The following TANC1 variants were observed in gnomAD, a reference collection of about 807,000 sequenced individuals.
The protein encoded by TANC1 is protein TANC1.
In TANC1, 77 loss-of-function variants were observed where a neutral mutation model predicts 149.7. The ratio of observed to expected loss-of-function variants is 0.51; its 90% CI spans 0.43 to 0.62. The LOEUF is 0.62. Among genes scored for constraint, TANC1 ranks in the 20% least tolerant of loss-of-function variants. The pLI, the probability that TANC1 is intolerant of heterozygous loss-of-function variation, is 0.00. For missense variants in TANC1, 1,985 were observed against 2,321.8 expected, an observed-to-expected ratio of 0.85 and a Z score of 2.98; for synonymous variants, 854 against 925.0, an observed-to-expected ratio of 0.92 and a Z score of 1.39.
chr2:159,194,232 C>G (rs755224726), intron 16 of TANC1, 25 bp from the exon 17 acceptor site: 3 of 1,588,372 alleles, frequency 1.9e-6, no homozygotes, highest in African/African-American at 2.7e-5. Flanking sequence ...ATGTGACAAT[C>G]TTGTTGGGGG....
rs151240503 is a variant in TANC1, at chr2:159,162,363, G to T, written c.683-920G>T. 3.3e-5 allele frequency among the ~76,000 whole-genome samples: 5 copies of T among 152,254 alleles called. No homozygotes were observed. The East Asian group carries it at 9.7e-4, about 29-fold the overall frequency. On this transcript the variant is annotated intron_variant, in intron 7 of 26. Transcript: ENST00000263635. ...CCAGATAGGGAAAGAGGCATCGGTGGACATGGCCCCTGTTCTCAAGGACGC... is the reference window on the plus strand; with the variant it reads ...CCAGATAGGGAAAGAGGCATCGGTGTACATGGCCCCTGTTCTCAAGGACGC...
chr2:159,118,482 A>G (rs1051952348), intron 4 of TANC1, among the ~76,000 whole-genome samples: 4 of 152,144 alleles, frequency 2.6e-5, no homozygotes, highest in African/African-American at 9.7e-5. Flanking sequence ...GTGATTCAGG[A>G]GTATGCAAGC....
At chr2:159,073,543 A>G (rs2149739705) in intron 3 of TANC1, among the ~76,000 whole-genome samples, 1 of 152,354 alleles carries the variant, frequency 6.6e-6, no homozygotes, top group East Asian at 1.9e-4. Context: ...TTGTATGTGT[A>G]TGTATAAATG....
intron 4 of TANC1, among the ~76,000 whole-genome samples, chr2:159,129,429 A>G (rs2049841384): frequency 6.6e-6 from 1 of 152,208 alleles, no homozygotes; most frequent in Non-Finnish European, 1.5e-5. Context: ...TAAAGGCAGA[A>G]TTCTGAATGG....
In TANC1 at chr2:159,224,232, G is replaced by A. The variant is rs753021908; in HGVS notation, c.3679G>A (p.Val1227Met). 5 of 1,614,122 alleles carry A rather than the reference G, an allele frequency of 3.1e-6. No individual in the cohort carries two copies. Among genetic ancestry groups the A allele is most frequent in the Non-Finnish European group, 4.2e-6 (5 of 1,180,036 alleles). ...GCTTAGGCTTCTGCTGTCTCTGCAG[G>A]TGCTGTACCTGGTGGAGAAGGGAGC... ...LAAFYGDAETVLYLVEKGAVI... is the reference protein window; with the variant it reads ...LAAFYGDAETMLYLVEKGAVI... Residue 1227 changes from valine (V) to methionine (M), a missense_variant and splice_region_variant, in exon 23 of 27, where the codon GTG becomes ATG. Physicochemically the swap from Val to Met is conservative, Grantham distance 21. Transcript: ENST00000263635.
intron 4 of TANC1, among the ~76,000 whole-genome samples, chr2:159,112,772 G>A (rs1329135904): frequency 6.6e-6 from 1 of 151,948 alleles, no homozygotes; most frequent in Non-Finnish European, 1.5e-5. Flanking sequence ...TATAGAGATA[G>A]GGTTCTGCTG....
In TANC1 at chr2:159,125,585, C is replaced by CCCTCCCTCCCTTCCTTCCTT. The variant is rs1231521085; in HGVS notation, c.260-10606_260-10605insCCCTCCCTTCCTTCCTTCCT. ...CCCATTCCTTCCTTCCTCCCTCCCT[C>CCCTCCCTCCCTTCCTTCCTT]CCTTCCTTCCTTCCTTCCTTTTTTG... On this transcript the variant is annotated intron_variant, in intron 4 of 26. Transcript: ENST00000263635. Among the ~76,000 whole-genome samples, 4 of 137,766 alleles carry CCCTCCCTCCCTTCCTTCCTT rather than the reference C, an allele frequency of 2.9e-5. No homozygotes were observed. In the East Asian group the frequency reaches 6.6e-4, roughly 23 times the overall value. The allele number at this position is 137,766 out of a possible 152,430, so 90.4% of individuals were successfully genotyped here.
intron 19 of TANC1, among the ~76,000 whole-genome samples, chr2:159,200,778 T>C (rs1428678103): frequency 6.6e-6 from 1 of 152,218 alleles, no homozygotes; most frequent in African/African-American, 2.4e-5. Flanking sequence ...GGCTGTGTTC[T>C]CGTCAGAGAC....
chr2:159,071,197 A>G (rs946432408), intron 3 of TANC1, among the ~76,000 whole-genome samples: 2 of 152,246 alleles, frequency 1.3e-5, no homozygotes, highest in African/African-American at 2.4e-5. Flanking sequence ...AAGCTGAGGC[A>G]GAACAGCAAA....
intron 2 of TANC1, among the ~76,000 whole-genome samples, chr2:159,062,991 A>AAAAAAAAAAAAAAAG (rs1553534848): frequency 6.1e-5 from 9 of 147,090 alleles, no homozygotes; most frequent in Non-Finnish European, 1.2e-4. Flanking sequence ...AAAAAAAAAA[A>AAAAAAAAAAAAAAAG]AAAAGAAAGC....
intron 19 of TANC1, among the ~76,000 whole-genome samples, chr2:159,205,824 G>A (rs1269154787): frequency 6.6e-6 from 1 of 152,232 alleles, no homozygotes; most frequent in African/African-American, 2.4e-5. Context: ...TCAGGTGAGA[G>A]ATTGGAAGGA....
chr2:159,199,295 G>A (rs911419561), intron 19 of TANC1, among the ~76,000 whole-genome samples: 6 of 152,166 alleles, frequency 3.9e-5, no homozygotes, highest in African/African-American at 9.7e-5. Flanking sequence ...TAGCAGTTAC[G>A]GTACATCTGA....
intron 3 of TANC1, 79 bp from the exon 4 acceptor site, chr2:159,097,558 A>G: frequency 1.9e-6 from 2 of 1,066,554 alleles, no homozygotes; most frequent in South Asian, 2.7e-5. Context: ...TATTCTGAGA[A>G]TATAGTTTAT....
chr2:159,126,027 C>G (rs983970465), intron 4 of TANC1, among the ~76,000 whole-genome samples: 9 of 152,200 alleles, frequency 5.9e-5, no homozygotes, highest in Non-Finnish European at 8.8e-5. Context: ...GTGTCTGACC[C>G]TTCCTCCTGC....
At chr2:159,211,778 T>C (rs1367408597) in intron 19 of TANC1, among the ~76,000 whole-genome samples, 1 of 152,260 alleles carries the variant, frequency 6.6e-6, no homozygotes, top group Admixed American at 6.5e-5. Flanking sequence ...GCATCATTTG[T>C]AAACGAGAGC....
At position 159,231,525 on chromosome 2, in the gene TANC1, C is replaced by T. The variant is rs535079325; in HGVS notation, c.*513C>T. 7.1e-5 allele frequency: 11 copies of T among 154,132 alleles called. No individual in the cohort carries two copies. The highest frequency in any genetic ancestry group is 1.2e-4 in the Non-Finnish European group (8 of 69,284). 9.5% of individuals were successfully genotyped at this position (154,132 alleles called of 1,614,324 possible). On this transcript the variant is annotated 3_prime_UTR_variant, in exon 27 of 27. Coordinates refer to ENST00000263635, the MANE Select transcript of TANC1 (RefSeq NM_033394.3). ...AGTGAGTTCTAGCTAAATATAAGTG[C>T]GACTGTAAACGCAGCCAATTTTTTT... is the stretch of plus-strand genomic sequence containing the variant.
rs1027301000 is a variant in TANC1 at position 159,004,210 on chromosome 2, G to T, written c.-16+3021G>T. The stretch of plus-strand genomic sequence containing the variant: ...AGGAAGTTAGCTGAACAGTTCCCAC[G>T]GCAAGTCTTGGACAGTAAAGCACCA... On this transcript the variant is annotated intron_variant, in intron 2 of 26. Transcript: ENST00000263635. 4 of 1,612,398 alleles carry T rather than the reference G, an allele frequency of 2.5e-6. No individual in the cohort carries two copies. In the African/African-American group the frequency reaches 4.0e-5, roughly 16 times the overall value.
chr2:159,084,399 T>C (rs1444068038), intron 3 of TANC1, among the ~76,000 whole-genome samples: 1 of 152,206 alleles, frequency 6.6e-6, no homozygotes, highest in Non-Finnish European at 1.5e-5. Context: ...GTTGGTAGTA[T>C]TTTTGAACAT....
At chr2:159,205,652 C>T (rs1477339160) in intron 19 of TANC1, among the ~76,000 whole-genome samples, 2 of 152,230 alleles carry the variant, frequency 1.3e-5, no homozygotes, top group African/African-American at 4.8e-5. Context: ...TAGTAGGCTA[C>T]ACCATCGAAG....
Sources: gnomAD v4.1 joint callset for allele counts (sites outside exome capture counted in the v4.1 genomes callset) on GRCh38, gnomAD v4.1.1 for gene constraint, MANE v1.5 for transcripts, NCBI Gene and HGNC (gene_info 2026-07-23, HGNC 2026-07-21) for gene names.